Variants in GCNT4 observed in about 807,000 individuals in gnomAD.
GCNT4 encodes the protein beta-1,3-galactosyl-O-glycosyl-glycoprotein beta-1,6-N-acetylglucosaminyltransferase 4.
In GCNT4, 17 loss-of-function variants were observed where a neutral mutation model predicts 31.3. The observed-to-expected ratio is 0.54, with a 90% confidence interval of 0.37 to 0.81. GCNT4 has a LOEUF of 0.81. Ranked by LOEUF, GCNT4 falls within the 40% of genes least tolerant of loss-of-function variation. GCNT4 has a pLI of 0.00. For synonymous variants in GCNT4, 158 were observed against 190.6 expected, an observed-to-expected ratio of 0.83 and a Z score of 1.41; for missense variants, 503 against 525.5, an observed-to-expected ratio of 0.96 and a Z score of 0.42.
Position 75,048,008 on chromosome 5 carries a change from G to C in GCNT4, c.-113C>G, listed in dbSNP as rs1392095358. On this transcript the variant is annotated 5_prime_UTR_variant, in exon 3 of 4. The change creates a premature stop within an existing upstream ORF in the 5' untranslated region. Transcript: ENST00000652361. The stretch of plus-strand genomic sequence containing the variant: ...CTACAGATGGCTGTACTGGGACAGT[G>C]ACCGAGGATGTAGTTCTAGAACATG... 2.0e-5 allele frequency: 3 copies of C among 152,188 alleles called. No homozygotes were observed. Among genetic ancestry groups the C allele is most frequent in the African/African-American group, 7.2e-5 (3 of 41,444 alleles). 9.4% of individuals were successfully genotyped at this position (152,188 alleles called of 1,614,324 possible).
At chr5:75,048,906 T>TAGC (rs1189724270) in intron 2 of GCNT4, among the ~76,000 whole-genome samples, 5 of 152,218 alleles carry the variant, frequency 3.3e-5, no homozygotes, top group African/African-American at 1.2e-4. Context: ...TCTAAATATT[T>TAGC]AAAGAACTTA....
At chr5:75,023,660 G>A (rs1003538162), downstream of GCNT4, among the ~76,000 whole-genome samples, 2 of 152,186 alleles carry the variant, frequency 1.3e-5, no homozygotes, top group East Asian at 3.8e-4. Flanking sequence ...GGCAGTGCGG[G>A]CAAATGTCAA....
In GCNT4 at chr5:75,027,376, A is replaced by G. The variant is rs1742971016; in HGVS notation, c.*1300T>C. On this transcript the variant is annotated 3_prime_UTR_variant, in exon 4 of 4. Coordinates refer to ENST00000652361, the MANE Select transcript of GCNT4 (RefSeq NM_001366737.1). ...TAATATATATATTTATATATTATAT[A>G]TGTAATGGAATTGTTCTATATATAA... is the stretch of plus-strand genomic sequence containing the variant. 7.3e-6 allele frequency: 1 copy of G among 136,178 alleles called. No individual in the cohort carries two copies. Among genetic ancestry groups the G allele is most frequent in the Admixed American group, 7.5e-5 (1 of 13,416 alleles). 8.4% of individuals were successfully genotyped at this position (136,178 alleles called of 1,614,324 possible).
intron 3 of GCNT4, among the ~76,000 whole-genome samples, chr5:75,033,529 G>A (rs896824261): frequency 2.6e-5 from 4 of 152,126 alleles, no homozygotes; most frequent in Non-Finnish European, 5.9e-5. Flanking sequence ...CATCTTTAAG[G>A]GGGAGAGTTT....
At chr5:75,023,629 C>T (rs1380403359), downstream of GCNT4, among the ~76,000 whole-genome samples, 3 of 152,062 alleles carry the variant, frequency 2.0e-5, no homozygotes. Flanking sequence ...AGCAACATGG[C>T]AGAGTGATTG....
At chr5:75,053,564 C>T (rs1210287825), upstream of GCNT4, among the ~76,000 whole-genome samples, 1 of 152,086 alleles carries the variant, frequency 6.6e-6, no homozygotes, top group Non-Finnish European at 1.5e-5. Context: ...GCTGCGGAGG[C>T]CGCCCCGGCG....
rs1403480201 is a variant in GCNT4 at position 75,026,846 on chromosome 5, C to T, written c.*1830G>A. 1 of 151,728 alleles carries T rather than the reference C, an allele frequency of 6.6e-6. No homozygotes were observed. The highest frequency in any genetic ancestry group is 2.4e-5 in the African/African-American group (1 of 41,266). 9.4% of individuals were successfully genotyped at this position (151,728 alleles called of 1,614,324 possible). A position where few individuals can be genotyped will look rare whatever the true frequency, so the allele number is the denominator to read the frequency against. ...TGTTTACTTATTTTGAAGAATGGGG[C>T]TTGGTAATAGTTATTTCCAAAGAAT... On this transcript the variant is annotated 3_prime_UTR_variant, in exon 4 of 4. Transcript: ENST00000652361.
chr5:75,041,712 C>A (rs879172110), intron 3 of GCNT4, among the ~76,000 whole-genome samples: 1 of 152,036 alleles, frequency 6.6e-6, no homozygotes, highest in South Asian at 2.1e-4. Flanking sequence ...CAAAAAGAAG[C>A]GCAGAATTCA....
At chr5:75,041,875 A>C (rs899543853) in intron 3 of GCNT4, among the ~76,000 whole-genome samples, 2 of 152,246 alleles carry the variant, frequency 1.3e-5, no homozygotes, top group African/African-American at 2.4e-5. Context: ...AAAGGGCCAC[A>C]TACAATGAAA....
the GCNT4 span, among the ~76,000 whole-genome samples, chr5:75,019,755 A>C: frequency 6.6e-6 from 1 of 152,252 alleles, no homozygotes; most frequent in African/African-American, 2.4e-5. Flanking sequence ...CAAGGAGCTG[A>C]GACAATTCTT....
At chr5:75,017,732 C>G in the GCNT4 span, among the ~76,000 whole-genome samples, 1 of 152,144 alleles carries the variant, frequency 6.6e-6, no homozygotes, top group Non-Finnish European at 1.5e-5. Flanking sequence ...CGTGACCATG[C>G]CGCACCTTCC....
At chr5:75,039,993 T>C (rs1368593692) in intron 3 of GCNT4, among the ~76,000 whole-genome samples, 1 of 152,118 alleles carries the variant, frequency 6.6e-6, no homozygotes, top group East Asian at 1.9e-4. Context: ...TTCATCTTAT[T>C]CTACTCTGTC....
downstream of GCNT4, among the ~76,000 whole-genome samples, chr5:75,022,122 T>G (rs539525234): frequency 1.3e-5 from 2 of 152,318 alleles, no homozygotes; most frequent in East Asian, 3.9e-4. Flanking sequence ...GAATTACACA[T>G]ACGTCTGAAC....
At chr5:75,053,954 C>T (rs1283307777), upstream of GCNT4, among the ~76,000 whole-genome samples, 3 of 152,278 alleles carry the variant, frequency 2.0e-5, no homozygotes, top group Middle Eastern at 3.4e-3. Context: ...CTCACATCCG[C>T]GGCTCCTTTT....
At chr5:75,042,917 T>G (rs1037552067) in intron 3 of GCNT4, among the ~76,000 whole-genome samples, 1 of 152,094 alleles carries the variant, frequency 6.6e-6, no homozygotes, top group Non-Finnish European at 1.5e-5. Context: ...AATTCAAAAA[T>G]TAAGTTAAAA....
chr5:75,020,429 C>A (rs1353403018), downstream of GCNT4, among the ~76,000 whole-genome samples: 1 of 152,120 alleles, frequency 6.6e-6, no homozygotes, highest in African/African-American at 2.4e-5. Flanking sequence ...AGGCTGCTGA[C>A]CCTGTGGCTG....
intron 2 of GCNT4, among the ~76,000 whole-genome samples, chr5:75,050,586 G>T (rs1051308925): frequency 1.3e-5 from 2 of 152,086 alleles, no homozygotes; most frequent in East Asian, 1.9e-4. Flanking sequence ...TGGCCACTAG[G>T]GAAGCCATTC....
At chr5:75,049,936 G>T (rs887470900) in intron 2 of GCNT4, among the ~76,000 whole-genome samples, 1 of 152,198 alleles carries the variant, frequency 6.6e-6, no homozygotes, top group Non-Finnish European at 1.5e-5. Flanking sequence ...CAGCACTAAG[G>T]TTTACTGAGC....
At position 75,028,677 on chromosome 5, in the gene GCNT4, C is replaced by T. The variant is rs771214880; in HGVS notation, c.1361G>A (p.Ter454=). Residue 454 remains the stop codon, a stop_retained_variant, in exon 4 of 4, where the codon TGA becomes TAA. Coordinates refer to ENST00000652361, the MANE Select transcript of GCNT4 (RefSeq NM_001366737.1). ...CTTATTTCCATCCTGATTTTACTAT[C>T]ATGATGTGGTAGTGAGATTTCTATC... The part of the protein sequence containing the change: ...FMDRNLTTTS[*] The T allele has an allele frequency of 1.7e-5, 28 of 1,607,620 alleles. No individual in the cohort carries two copies. The South Asian group carries it at 2.9e-4, about 17-fold the overall frequency.
Sources: gnomAD v4.1 joint callset for allele counts (sites outside exome capture counted in the v4.1 genomes callset) on GRCh38, gnomAD v4.1.1 for gene constraint, MANE v1.5 for transcripts, NCBI Gene and HGNC (gene_info 2026-07-23, HGNC 2026-07-21) for gene names.